PARVB: variants seen among roughly 807,000 people sequenced by gnomAD.
The protein encoded by PARVB is beta-parvin.
In PARVB, 46 loss-of-function variants were observed where a neutral mutation model predicts 47.0. The ratio of observed to expected loss-of-function variants is 0.98; its 90% CI spans 0.77 to 1.25. The LOEUF is 1.25. Among genes scored for constraint, PARVB ranks in the 50% most tolerant of loss-of-function variants. The pLI is 0.00. For missense variants in PARVB, 473 were observed against 471.6 expected, an observed-to-expected ratio of 1.00 and a Z score of -0.03; for synonymous variants, 196 against 196.3, an observed-to-expected ratio of 1.00 and a Z score of 0.01.
At chr22:44,050,031 G>A (rs190728069) in intron 1 of PARVB, among the ~76,000 whole-genome samples, 2 of 152,290 alleles carry the variant, frequency 1.3e-5, no homozygotes, top group East Asian at 1.9e-4. Context: ...CTGGCTTCTC[G>A]TGGTACAGCC....
At chr22:44,032,877 C>A (rs2050849700) in intron 1 of PARVB, among the ~76,000 whole-genome samples, 1 of 152,188 alleles carries the variant, frequency 6.6e-6, no homozygotes, top group African/African-American at 2.4e-5. Flanking sequence ...GGGTTAGTTG[C>A]TGAGTGGCTG....
At chr22:44,067,191 C>A (rs780494578) in intron 1 of PARVB, among the ~76,000 whole-genome samples, 46 of 152,280 alleles carry the variant, frequency 3.0e-4, no homozygotes, top group Admixed American at 5.2e-4. Flanking sequence ...TCTTGGCTGC[C>A]TTGCTTGCAT....
At chr22:44,007,304 G>A (rs7292221) in intron 2 of PARVB, among the ~76,000 whole-genome samples, 2,445 of 152,296 alleles carry the variant, frequency 0.016, 33 homozygotes, top group South Asian at 0.029. Flanking sequence ...AGTCTCCTCC[G>A]AGAAGCCCAT....
At chr22:44,051,355 C>T (rs994468787) in intron 1 of PARVB, among the ~76,000 whole-genome samples, 3 of 152,098 alleles carry the variant, frequency 2.0e-5, no homozygotes, top group Non-Finnish European at 2.9e-5. Context: ...GGGGACTGTT[C>T]GGCTGGCCAC....
At chr22:44,073,143 T>C (rs2051691237) in intron 1 of PARVB, among the ~76,000 whole-genome samples, 1 of 152,158 alleles carries the variant, frequency 6.6e-6, no homozygotes, top group South Asian at 2.1e-4. Context: ...CTTATCAAAT[T>C]ATACTAGAAT....
At chr22:44,151,228 G>A (rs1054940167) in intron 9 of PARVB, 16 of 426,632 alleles carry the variant, frequency 3.8e-5, no homozygotes, top group African/African-American at 8.0e-5. Flanking sequence ...TATGTCATGC[G>A]TGCACGGATT....
intron 1 of PARVB, among the ~76,000 whole-genome samples, chr22:44,058,141 C>T (rs1003038401): frequency 6.6e-6 from 1 of 152,098 alleles, no homozygotes; most frequent in Non-Finnish European, 1.5e-5. Context: ...AAAAGAGTAC[C>T]CCACACTGGC....
chr22:44,117,823 A>G (rs1210036837), intron 3 of PARVB, among the ~76,000 whole-genome samples: 1 of 71,284 alleles, frequency 1.4e-5, no homozygotes, highest in African/African-American at 1.5e-4. Flanking sequence ...ACTGGGACCA[A>G]TGAGATCATT....
chr22:44,147,032 CATA>C, intron 8 of PARVB: 1 of 156,240 alleles, frequency 6.4e-6, no homozygotes, highest in South Asian at 2.0e-4. Context: ...GTCTCTGTTC[CATA>C]TGCCCCTATG....
Position 44,093,879 on chromosome 22 carries a change from C to T in PARVB, c.113-49C>T, listed in dbSNP as rs369192892. The T allele has an allele frequency of 6.2e-5, 75 of 1,218,032 alleles. No homozygotes were observed. In the African/African-American group the frequency reaches 7.4e-4, roughly 12 times the overall value. The allele number at this position is 1,218,032 out of a possible 1,614,324, so 75.5% of individuals were successfully genotyped here. A position where few individuals can be genotyped will look rare whatever the true frequency, so the allele number is the denominator to read the frequency against. ...CGTCCACAGCCAACATGTGAGGCCACGGCACTCCGTGTATACTAACCTGGT... is the reference window on the plus strand; with the variant it reads ...CGTCCACAGCCAACATGTGAGGCCATGGCACTCCGTGTATACTAACCTGGT... On this transcript the variant is annotated intron_variant, in intron 1 of 12. Coordinates refer to ENST00000338758, the MANE Select transcript of PARVB (RefSeq NM_013327.5).
At chr22:44,157,673 A>G (rs2053964304) in intron 10 of PARVB, among the ~76,000 whole-genome samples, 1 of 152,058 alleles carries the variant, frequency 6.6e-6, no homozygotes, top group Non-Finnish European at 1.5e-5. Context: ...GAGCCCAGGA[A>G]TTTGAGACCA....
intron 8 of PARVB, chr22:44,146,075 A>G (rs2053657786): frequency 6.6e-6 from 1 of 152,254 alleles, no homozygotes. Flanking sequence ...TCCCCCAGTC[A>G]CGCACATGCT....
intron 1 of PARVB, among the ~76,000 whole-genome samples, chr22:44,055,974 A>C (rs73888829): frequency 0.015 from 2,301 of 152,334 alleles, 45 homozygotes; most frequent in African/African-American, 0.046. Flanking sequence ...GCACGCCCAG[A>C]ATAATGGTTA....
At chr22:44,042,522 G>A (rs900137822) in intron 1 of PARVB, among the ~76,000 whole-genome samples, 5 of 152,224 alleles carry the variant, frequency 3.3e-5, no homozygotes, top group Admixed American at 3.3e-4. Flanking sequence ...GGGACGAGAA[G>A]ACACGCCACC....
chr22:44,156,436 C>T (rs1435127709), intron 10 of PARVB, among the ~76,000 whole-genome samples: 1 of 152,014 alleles, frequency 6.6e-6, no homozygotes, highest in East Asian at 1.9e-4. Flanking sequence ...TGCACCACCA[C>T]ACCCGCTAAT....
chr22:44,055,678 C>CTCTCTCTCTCTCTATATATATATA (rs1438284048), intron 1 of PARVB, among the ~76,000 whole-genome samples: 81 of 142,738 alleles, frequency 5.7e-4, no homozygotes, highest in African/African-American at 1.9e-3. Flanking sequence ...CTCTCTCTCT[C>CTCTCTCTCTCTCTATATATATATA]TATATATATA....
chr22:44,151,330 A>G lies in PARVB; in HGVS notation c.775-153A>G, dbSNP rs536488071. On this transcript the variant is annotated intron_variant, in intron 9 of 12. Transcript: ENST00000338758. ...GAAAACTAGGGGCTACTGTCAGGATATTGAGTTTGAAACATGGGCTTTTTA... is the reference window on the plus strand; with the variant it reads ...GAAAACTAGGGGCTACTGTCAGGATGTTGAGTTTGAAACATGGGCTTTTTA... The G allele has an allele frequency of 1.7e-4, 102 of 617,864 alleles. No individual in the cohort carries two copies. The South Asian group carries it at 1.7e-3, about 10-fold the overall frequency. The allele number at this position is 617,864 out of a possible 1,614,324, so 38.3% of individuals were successfully genotyped here. A position where few individuals can be genotyped will look rare whatever the true frequency, so the allele number is the denominator to read the frequency against.
chr22:44,070,659 G>T (rs2051633894), intron 1 of PARVB, among the ~76,000 whole-genome samples: 1 of 152,194 alleles, frequency 6.6e-6, no homozygotes, highest in African/African-American at 2.4e-5. Flanking sequence ...GCATCTCTTA[G>T]CTCACATTAT....
intron 1 of PARVB, among the ~76,000 whole-genome samples, chr22:44,070,323 C>A (rs8137867): frequency 0.018 from 2,732 of 152,236 alleles, 53 homozygotes; most frequent in African/African-American, 0.051. Flanking sequence ...CTGGGCCCTG[C>A]TAGGGGACCC....
Sources: allele counts gnomAD v4.1 joint callset (sites outside exome capture counted in the v4.1 genomes callset), GRCh38; gene constraint gnomAD v4.1.1; transcripts MANE v1.5; gene names NCBI Gene and HGNC (gene_info 2026-07-23, HGNC 2026-07-21).